TMEM108: variants seen among roughly 807,000 people sequenced by gnomAD.
TMEM108 encodes the protein transmembrane protein 108, also known as cancer/testis antigen 124.
Under a neutral mutation model 35.1 loss-of-function variants are expected in TMEM108, and 12 were observed. That is an observed-to-expected ratio of 0.34 (90% confidence interval 0.22 to 0.55). The LOEUF (loss-of-function observed/expected upper bound fraction) is 0.55. Ranked by LOEUF, TMEM108 falls within the 20% of genes least tolerant of loss-of-function variation. The pLI is 0.89. For missense variants in TMEM108, 680 were observed against 753.3 expected (o/e 0.90, Z 1.14); for synonymous variants, 287 against 308.6 (o/e 0.93, Z 0.73).
At chr3:133,078,416 G>T (rs1943771149) in intron 2 of TMEM108, among the ~76,000 whole-genome samples, 1 of 152,110 alleles carries the variant, frequency 6.6e-6, no homozygotes, top group Non-Finnish European at 1.5e-5. Context: ...ATCAAGTGAT[G>T]CTCTACAAAG....
At chr3:133,184,624 C>T (rs1945394216) in intron 2 of TMEM108, among the ~76,000 whole-genome samples, 1 of 151,952 alleles carries the variant, frequency 6.6e-6, no homozygotes, top group Non-Finnish European at 1.5e-5. Flanking sequence ...ATACAGACAA[C>T]TCCCTTCAGT....
chr3:133,049,169 C>A (rs1041821710), intron 2 of TMEM108, among the ~76,000 whole-genome samples: 1 of 152,166 alleles, frequency 6.6e-6, no homozygotes, highest in Non-Finnish European at 1.5e-5. Context: ...GTGGTCAGAA[C>A]ATATATAAGC....
chr3:133,079,388 T>C (rs949645648), intron 2 of TMEM108, among the ~76,000 whole-genome samples: 8 of 152,214 alleles, frequency 5.3e-5, no homozygotes, highest in East Asian at 1.9e-4. Context: ...CAGAATAATA[T>C]AGACTAGGTG....
At chr3:133,277,429 A>G (rs897128003) in intron 3 of TMEM108, among the ~76,000 whole-genome samples, 10 of 152,360 alleles carry the variant, frequency 6.6e-5, no homozygotes, top group Non-Finnish European at 1.5e-4. Context: ...TAACTTTTCT[A>G]TAAACTGTTT....
At chr3:133,193,213 G>A (rs1475980504) in intron 2 of TMEM108, among the ~76,000 whole-genome samples, 3 of 152,024 alleles carry the variant, frequency 2.0e-5, no homozygotes, top group African/African-American at 7.3e-5. Flanking sequence ...AACATAAAAA[G>A]GCTTTTTAAC....
intron 3 of TMEM108, among the ~76,000 whole-genome samples, chr3:133,277,700 A>G (rs1321118670): frequency 6.6e-6 from 1 of 152,222 alleles, no homozygotes; most frequent in Non-Finnish European, 1.5e-5. Flanking sequence ...AAAATGGGGC[A>G]CTGTAACTTA....
At chr3:133,223,288 G>A (rs767337152) in intron 2 of TMEM108, among the ~76,000 whole-genome samples, 1 of 152,182 alleles carries the variant, frequency 6.6e-6, no homozygotes, top group East Asian at 1.9e-4. Flanking sequence ...GTCGTCTGAT[G>A]TTGTCCATTA....
intron 3 of TMEM108, among the ~76,000 whole-genome samples, chr3:133,358,765 A>G (rs1202277443): frequency 6.6e-6 from 1 of 152,082 alleles, no homozygotes; most frequent in Non-Finnish European, 1.5e-5. Flanking sequence ...CCTAACCCAC[A>G]GCTACTTCTT....
At chr3:133,294,264 C>T (rs1364040335) in intron 3 of TMEM108, among the ~76,000 whole-genome samples, 1 of 152,150 alleles carries the variant, frequency 6.6e-6, no homozygotes, top group East Asian at 1.9e-4. Context: ...TTATTTTGAG[C>T]TGATAGCAAC....
chr3:133,201,770 T>C (rs868363335), intron 2 of TMEM108, among the ~76,000 whole-genome samples: 3 of 152,222 alleles, frequency 2.0e-5, no homozygotes, highest in African/African-American at 7.2e-5. Context: ...TACATGTGCA[T>C]GTGTCTTTAT....
At chr3:133,110,230 G>A (rs949850813) in intron 2 of TMEM108, among the ~76,000 whole-genome samples, 1 of 152,140 alleles carries the variant, frequency 6.6e-6, no homozygotes, top group Non-Finnish European at 1.5e-5. Context: ...TTCTGGAGTT[G>A]ATTTGAGTGT....
At chr3:133,145,846 CA>C (rs1364442907) in intron 2 of TMEM108, among the ~76,000 whole-genome samples, 2 of 152,184 alleles carry the variant, frequency 1.3e-5, no homozygotes, top group Non-Finnish European at 2.9e-5. Context: ...AGTTGCTTAT[CA>C]GCTTGAGGAG....
intron 3 of TMEM108, among the ~76,000 whole-genome samples, chr3:133,289,840 G>C (rs537682414): frequency 2.6e-5 from 4 of 152,086 alleles, no homozygotes; most frequent in Non-Finnish European, 5.9e-5. Context: ...CCTGCATTAC[G>C]TTATGCCACC....
chr3:133,085,853 A>G (rs534032817), intron 2 of TMEM108, among the ~76,000 whole-genome samples: 64 of 152,280 alleles, frequency 4.2e-4, no homozygotes, highest in African/African-American at 1.2e-3. Context: ...AGTAAGATCA[A>G]TGTACCATTT....
intron 4 of TMEM108, chr3:133,389,232 G>T (rs144190355): frequency 1.2e-5 from 12 of 985,336 alleles, no homozygotes; most frequent in Non-Finnish European, 1.4e-5. Flanking sequence ...CAACAATATC[G>T]AGACATAATT....
At chr3:133,187,067 A>G (rs944540539) in intron 2 of TMEM108, among the ~76,000 whole-genome samples, 6 of 152,196 alleles carry the variant, frequency 3.9e-5, no homozygotes, top group Non-Finnish European at 7.3e-5. Context: ...CAGTTGTAAC[A>G]TTCTTTTATT....
At chr3:133,079,568 C>T (rs1353552931) in intron 2 of TMEM108, among the ~76,000 whole-genome samples, 5 of 152,124 alleles carry the variant, frequency 3.3e-5, no homozygotes, top group African/African-American at 1.2e-4. Context: ...CTCTGGAGTC[C>T]CTCTTACAAG....
chr3:133,270,843 A>C (rs1357338914), intron 3 of TMEM108, among the ~76,000 whole-genome samples: 4 of 150,052 alleles, frequency 2.7e-5, no homozygotes, highest in East Asian at 2.0e-4. Context: ...ACACACACAC[A>C]CCCCTACCCC....
chr3:133,062,694 T>G (rs1943549906), intron 2 of TMEM108, among the ~76,000 whole-genome samples: 1 of 152,228 alleles, frequency 6.6e-6, no homozygotes. Context: ...TTATCAAGCT[T>G]CTGTGGATTC....
Sources: allele counts gnomAD v4.1 joint callset (sites outside exome capture counted in the v4.1 genomes callset), GRCh38; gene constraint gnomAD v4.1.1; transcripts MANE v1.5; gene names NCBI Gene and HGNC (gene_info 2026-07-23, HGNC 2026-07-21).